Variants in SERGEF observed in about 807,000 individuals in gnomAD.
SERGEF encodes secretion-regulating guanine nucleotide exchange factor.
In SERGEF, 51 loss-of-function variants were observed where a neutral mutation model predicts 50.0. The observed-to-expected ratio is 1.02, with a 90% CI of 0.81 to 1.29. The LOEUF is 1.29. SERGEF is among the 50% of genes most tolerant of loss of function. The pLI is 0.00. For synonymous variants in SERGEF, 205 were observed against 212.4 expected, an observed-to-expected ratio of 0.97 and a Z score of 0.30; for missense variants, 521 against 557.0, an observed-to-expected ratio of 0.94 and a Z score of 0.65.
At chr11:17,994,669 G>T (rs909717283) in intron 6 of SERGEF, among the ~76,000 whole-genome samples, 5 of 152,056 alleles carry the variant, frequency 3.3e-5, no homozygotes, top group Non-Finnish European at 7.4e-5. Context: ...CATTATACAT[G>T]TTTCTAATGT....
chr11:17,886,539 C>T (rs534654104), intron 9 of SERGEF, among the ~76,000 whole-genome samples: 1 of 152,170 alleles, frequency 6.6e-6, no homozygotes, highest in South Asian at 2.1e-4. Context: ...ATCACTTAAC[C>T]TGGGAGGCGA....
chr11:17,802,988 T>C (rs1344836433), intron 10 of SERGEF, among the ~76,000 whole-genome samples: 1 of 152,222 alleles, frequency 6.6e-6, no homozygotes, highest in African/African-American at 2.4e-5. Context: ...TATGAGTATA[T>C]AAAAGGTGCT....
chr11:17,917,043 T>A (rs1311628961), intron 9 of SERGEF, among the ~76,000 whole-genome samples: 6 of 152,236 alleles, frequency 3.9e-5, no homozygotes, highest in Admixed American at 3.3e-4. Context: ...AACTACCATT[T>A]GATCCAGCAT....
chr11:17,807,357 C>T (rs1849780289), intron 10 of SERGEF, among the ~76,000 whole-genome samples: 1 of 152,184 alleles, frequency 6.6e-6, no homozygotes, highest in Admixed American at 6.6e-5. Context: ...TTCACCAAAA[C>T]CCATGCAACA....
chr11:17,811,680 C>T (rs1428921149), intron 10 of SERGEF, among the ~76,000 whole-genome samples: 3 of 152,190 alleles, frequency 2.0e-5, no homozygotes, highest in South Asian at 4.1e-4. Context: ...CTGGGCGCTC[C>T]GGAGGCGAAG....
intron 9 of SERGEF, among the ~76,000 whole-genome samples, chr11:17,945,841 A>C (rs1852647446): frequency 1.3e-5 from 2 of 152,066 alleles, no homozygotes; most frequent in Admixed American, 1.3e-4. Flanking sequence ...AGCTGGGCAC[A>C]GTGGCACGCA....
chr11:17,918,662 ACT>A (rs143834429), intron 9 of SERGEF: 10,373 of 379,158 alleles, frequency 0.027, no homozygotes, highest in South Asian at 0.041. Context: ...ATACACACAC[ACT>A]CTCTCTCTCT....
chr11:17,913,229 C>G (rs1347106911), intron 9 of SERGEF, among the ~76,000 whole-genome samples: 1 of 152,248 alleles, frequency 6.6e-6, no homozygotes, highest in Non-Finnish European at 1.5e-5. Flanking sequence ...GACCCAATCA[C>G]CATCCTGCCT....
rs149155438 is a variant in SERGEF at position 17,960,825 on chromosome 11, C to T, written c.845-1189G>A. 3.2e-3 allele frequency among the ~76,000 whole-genome samples: 481 copies of T among 152,312 alleles called. 1 individual carries two copies. The highest frequency in any genetic ancestry group is 0.011 in the African/African-American group (444 of 41,568). On this transcript the variant is annotated intron_variant, in intron 8 of 10. Transcript: ENST00000265965. ...AGTTTACAGGAATCTGACTTTTGGG[C>T]TTCCTCAAAGAGGGAACAAAGTCTG...
At chr11:17,843,543 G>C (rs1203621928) in intron 10 of SERGEF, among the ~76,000 whole-genome samples, 1 of 152,222 alleles carries the variant, frequency 6.6e-6, no homozygotes, top group Non-Finnish European at 1.5e-5. Context: ...AGTTTTCTTA[G>C]ATTCCAAAGT....
intron 10 of SERGEF, among the ~76,000 whole-genome samples, chr11:17,819,172 C>T (rs772167339): frequency 3.3e-5 from 5 of 152,198 alleles, no homozygotes; most frequent in Non-Finnish European, 7.3e-5. Context: ...TTCATATACA[C>T]CAATCAAAGC....
At chr11:17,817,492 A>C (rs1850000688) in intron 10 of SERGEF, among the ~76,000 whole-genome samples, 1 of 152,188 alleles carries the variant, frequency 6.6e-6, no homozygotes, top group Admixed American at 6.5e-5. Flanking sequence ...CTGGGATTAC[A>C]GGCATGAGCC....
At chr11:17,796,964 G>A (rs897452485) in intron 10 of SERGEF, among the ~76,000 whole-genome samples, 7 of 152,202 alleles carry the variant, frequency 4.6e-5, no homozygotes, top group African/African-American at 1.7e-4. Context: ...TAGATGGGGG[G>A]TGAGGGTTGG....
chr11:17,922,877 T>C (rs373515799), intron 9 of SERGEF, among the ~76,000 whole-genome samples: 1 of 152,234 alleles, frequency 6.6e-6, no homozygotes, highest in East Asian at 1.9e-4. Flanking sequence ...CTGGAAAAAT[T>C]AGAATGGTTT....
chr11:17,828,039 G>A (rs906376592), intron 10 of SERGEF, among the ~76,000 whole-genome samples: 3 of 152,188 alleles, frequency 2.0e-5, no homozygotes, highest in Non-Finnish European at 4.4e-5. Flanking sequence ...ACTCTATTCT[G>A]CATGGATGGT....
At chr11:17,901,449 T>C (rs1851747993) in intron 9 of SERGEF, among the ~76,000 whole-genome samples, 1 of 152,224 alleles carries the variant, frequency 6.6e-6, no homozygotes, top group African/African-American at 2.4e-5. Flanking sequence ...TAAGTGTTCA[T>C]CAATGAACAG....
At chr11:17,792,144 C>T (rs971161705) in intron 10 of SERGEF, among the ~76,000 whole-genome samples, 4 of 152,384 alleles carry the variant, frequency 2.6e-5, no homozygotes, top group South Asian at 2.1e-4. Context: ...TTACCCTTCC[C>T]TTCCCTTTCC....
At chr11:17,902,283 A>C (rs927396132) in intron 9 of SERGEF, among the ~76,000 whole-genome samples, 9 of 152,148 alleles carry the variant, frequency 5.9e-5, no homozygotes, top group African/African-American at 2.2e-4. Flanking sequence ...TTTAAGTTCA[A>C]AAGTTGGGAG....
At chr11:17,891,013 A>G (rs559691233) in intron 9 of SERGEF, among the ~76,000 whole-genome samples, 1 of 152,326 alleles carries the variant, frequency 6.6e-6, no homozygotes, top group East Asian at 1.9e-4. Flanking sequence ...GCTCTTACCT[A>G]GAGGCATCTT....
Sources: gnomAD v4.1 joint callset for allele counts (sites outside exome capture counted in the v4.1 genomes callset) on GRCh38, gnomAD v4.1.1 for gene constraint, MANE v1.5 for transcripts, NCBI Gene and HGNC (gene_info 2026-07-23, HGNC 2026-07-21) for gene names.